Variants in PAK1 observed in about 807,000 individuals in gnomAD.
The protein encoded by PAK1 is serine/threonine-protein kinase PAK 1.
A neutral mutation model predicts 67.4 loss-of-function variants in PAK1; 29 were observed. The observed-to-expected ratio is 0.43, with a 90% CI of 0.32 to 0.59. The LOEUF is 0.59. Ranked by LOEUF, PAK1 falls within the 20% of genes least tolerant of loss-of-function variation. The pLI is 0.07. For synonymous variants in PAK1, 223 were observed against 237.4 expected (o/e 0.94, Z 0.56); for missense variants, 337 against 670.7 (o/e 0.50, Z 5.50).
chr11:77,426,076 CTCTTTTT>C (rs972068230), intron 1 of PAK1, among the ~76,000 whole-genome samples: 19 of 142,984 alleles, frequency 1.3e-4, no homozygotes, highest in African/African-American at 5.1e-4. Context: ...AATTGAAGGC[CTCTTTTT>C]TTTTTTTTTT....
At chr11:77,332,436 AAAGG>A (rs1259272643) in intron 14 of PAK1, among the ~76,000 whole-genome samples, 2 of 143,840 alleles carry the variant, frequency 1.4e-5, no homozygotes, top group Non-Finnish European at 3.0e-5. Flanking sequence ...AGAAGAAAGG[AAAGG>A]AAGGAAGGAA....
intron 14 of PAK1, chr11:77,329,263 A>G (rs1381027727): frequency 1.3e-5 from 2 of 152,302 alleles, no homozygotes; most frequent in African/African-American, 4.8e-5. Flanking sequence ...AAAAAGAGGG[A>G]ATCCTCCCTA....
intron 1 of PAK1, among the ~76,000 whole-genome samples, chr11:77,459,175 T>A (rs1011226108): frequency 6.6e-6 from 1 of 152,160 alleles, no homozygotes; most frequent in African/African-American, 2.4e-5. Flanking sequence ...ATTATTAAGT[T>A]CCCTGAATAA....
At chr11:77,338,629 A>C (rs1943104812) in intron 11 of PAK1, among the ~76,000 whole-genome samples, 1 of 152,194 alleles carries the variant, frequency 6.6e-6, no homozygotes, top group East Asian at 1.9e-4. Context: ...GAGAATGAGA[A>C]CATACCTCCA....
intron 6 of PAK1, among the ~76,000 whole-genome samples, chr11:77,357,015 G>A (rs1199200951): frequency 6.6e-6 from 1 of 152,184 alleles, no homozygotes; most frequent in Non-Finnish European, 1.5e-5. Context: ...TCATCCGTGA[G>A]TTCCTCCATC....
chr11:77,429,648 T>C (rs1043244731), intron 1 of PAK1, among the ~76,000 whole-genome samples: 1 of 152,190 alleles, frequency 6.6e-6, no homozygotes, highest in Non-Finnish European at 1.5e-5. Context: ...TACAAAATAA[T>C]TGGCCTGTAA....
intron 1 of PAK1, among the ~76,000 whole-genome samples, chr11:77,414,482 A>G (rs1264323368): frequency 6.6e-6 from 1 of 152,254 alleles, no homozygotes; most frequent in African/African-American, 2.4e-5. Context: ...AACTATATTG[A>G]TATCTATTGG....
At chr11:77,391,350 A>G (rs568076696) in intron 2 of PAK1, among the ~76,000 whole-genome samples, 8 of 152,236 alleles carry the variant, frequency 5.3e-5, no homozygotes, top group Non-Finnish European at 1.2e-4. Context: ...GGAACTTTGT[A>G]TGTAGTCTTC....
At chr11:77,332,030 T>C in intron 14 of PAK1, among the ~76,000 whole-genome samples, 1 of 151,866 alleles carries the variant, frequency 6.6e-6, no homozygotes, top group Non-Finnish European at 1.5e-5. Context: ...AGGCTGGTCA[T>C]GGTGGCCCAT....
intron 1 of PAK1, among the ~76,000 whole-genome samples, chr11:77,463,760 G>T (rs957854687): frequency 1.3e-5 from 2 of 152,158 alleles, no homozygotes; most frequent in African/African-American, 4.8e-5. Context: ...ATTACACAGG[G>T]TAGCGTTTTG....
chr11:77,386,766 TATTAATTA>T lies in PAK1; in HGVS notation c.190+5557_190+5564del, dbSNP rs139141376. Among the ~76,000 whole-genome samples the T allele has an allele frequency of 2.0e-3, 309 of 152,220 alleles. 3 individuals are homozygous for T. Among genetic ancestry groups the T allele is most frequent in the African/African-American group, 7.1e-3 (295 of 41,540 alleles). On this transcript the variant is annotated intron_variant, in intron 2 of 14. Coordinates refer to ENST00000356341, the MANE Select transcript of PAK1 (RefSeq NM_002576.5). ...GGTCTGGGTGGAATGCAGGTATCAG[TATTAATTA>T]ATTAATTAATTATTTTTGAGACAGA...
At chr11:77,369,444 C>CTTTTTTTTTTTTTTT (rs147630042) in intron 5 of PAK1, among the ~76,000 whole-genome samples, 3 of 86,738 alleles carry the variant, frequency 3.5e-5, no homozygotes, top group Non-Finnish European at 4.3e-5. Flanking sequence ...TTATACATTT[C>CTTTTTTTTTTTTTTT]TTTTTTTTTT....
At chr11:77,489,718 CG>C in the PAK1 span, among the ~76,000 whole-genome samples, 4 of 151,174 alleles carry the variant, frequency 2.6e-5, no homozygotes, top group African/African-American at 9.9e-5. Flanking sequence ...CCCGAGGTGC[CG>C]GGATTGCAGA....
chr11:77,393,353 G>GCT (rs1212706366), intron 1 of PAK1, among the ~76,000 whole-genome samples: 3 of 151,534 alleles, frequency 2.0e-5, no homozygotes, highest in Non-Finnish European at 4.4e-5. Context: ...GGAGTGCAGT[G>GCT]GTACAATCAT....
At chr11:77,378,908 G>C (rs1413873412) in intron 4 of PAK1, among the ~76,000 whole-genome samples, 2 of 152,126 alleles carry the variant, frequency 1.3e-5, no homozygotes, top group Non-Finnish European at 2.9e-5. Context: ...ACAGCCTCTT[G>C]AGATAGGAAT....
chr11:77,386,716 C>T (rs1950491819), intron 2 of PAK1, among the ~76,000 whole-genome samples: 1 of 152,120 alleles, frequency 6.6e-6, no homozygotes, highest in Non-Finnish European at 1.5e-5. Context: ...CCCAAGACAA[C>T]TCCTCTAGAA....
At position 77,396,077 on chromosome 11, in the gene PAK1, C is replaced by T. The variant is rs187597317; in HGVS notation, c.-21-3536G>A. The stretch of plus-strand genomic sequence containing the variant: ...ATGTAACTCCATTTCAGGCCCACAG[C>T]CCACGATTATGCCAACAAAGGTTTC... On this transcript the variant is annotated intron_variant, in intron 1 of 14. Coordinates refer to ENST00000356341, the MANE Select transcript of PAK1 (RefSeq NM_002576.5). Among the ~76,000 whole-genome samples the T allele has an allele frequency of 1.4e-4, 21 of 152,280 alleles. No homozygotes were observed. The East Asian group carries it at 4.1e-3, about 29-fold the overall frequency.
chr11:77,397,818 C>G (rs1376005035), intron 1 of PAK1, among the ~76,000 whole-genome samples: 3 of 152,156 alleles, frequency 2.0e-5, no homozygotes, highest in African/African-American at 7.2e-5. Context: ...ACCTGACTGC[C>G]TAATGTTACA....
At chr11:77,439,858 T>A (rs1956280562) in intron 1 of PAK1, among the ~76,000 whole-genome samples, 1 of 152,172 alleles carries the variant, frequency 6.6e-6, no homozygotes, top group Non-Finnish European at 1.5e-5. Context: ...TGGGAAGGTA[T>A]AAGATTGGCT....
Sources: allele counts gnomAD v4.1 joint callset (sites outside exome capture counted in the v4.1 genomes callset), GRCh38; gene constraint gnomAD v4.1.1; transcripts MANE v1.5; gene names NCBI Gene and HGNC (gene_info 2026-07-23, HGNC 2026-07-21).